The following NRG4 variants were observed in gnomAD, a reference collection of about 807,000 sequenced individuals.
NRG4 encodes neuregulin 4, also known as pro-neuregulin-4, membrane-bound isoform.
NRG4 carries 10 observed loss-of-function variants against 15.0 expected under a neutral mutation model. The ratio of observed to expected loss-of-function variants is 0.67; its 90% CI spans 0.41 to 1.13. NRG4 has a LOEUF of 1.13. Ranked by LOEUF, NRG4 falls within the 50% of genes most tolerant of loss-of-function variation. The pLI, the probability that NRG4 is intolerant of heterozygous loss-of-function variation, is 0.00. For synonymous variants in NRG4, 41 were observed against 50.1 expected, an observed-to-expected ratio of 0.82 and a Z score of 0.77; for missense variants, 139 against 140.2, an observed-to-expected ratio of 0.99 and a Z score of 0.04.
At chr15:76,042,949 T>C (rs531769637) in intron 4 of NRG4, among the ~76,000 whole-genome samples, 1 of 152,198 alleles carries the variant, frequency 6.6e-6, no homozygotes, top group South Asian at 2.1e-4. Flanking sequence ...ACTAAAAATA[T>C]CATTTGTCAT....
At chr15:76,015,371 A>G (rs546095205), upstream of NRG4, among the ~76,000 whole-genome samples, 1 of 152,316 alleles carries the variant, frequency 6.6e-6, no homozygotes, top group African/African-American at 2.4e-5. Flanking sequence ...AGAACCTCCA[A>G]TACTATGTTG....
At chr15:75,974,859 G>A (rs542008396) in intron 3 of NRG4, among the ~76,000 whole-genome samples, 2 of 152,262 alleles carry the variant, frequency 1.3e-5, no homozygotes, top group African/African-American at 2.4e-5. Flanking sequence ...TTCTGTAGAC[G>A]TCTATTAGGT....
intron 3 of NRG4, among the ~76,000 whole-genome samples, chr15:75,964,419 G>A (rs2032689130): frequency 6.6e-6 from 1 of 152,152 alleles, no homozygotes; most frequent in African/African-American, 2.4e-5. Context: ...AATTTTAGCT[G>A]TGAGAGCAAT....
chr15:75,937,508 C>CAAAAAAA (rs58256641), downstream of NRG4: 8 of 83,238 alleles, frequency 9.6e-5, no homozygotes, highest in Admixed American at 2.3e-4. Flanking sequence ...GACTCTGTCT[C>CAAAAAAA]AAAAAAAAAA....
intron 5 of NRG4, among the ~76,000 whole-genome samples, chr15:76,023,198 G>T (rs969004174): frequency 1.8e-4 from 25 of 138,308 alleles, no homozygotes; most frequent in African/African-American, 6.7e-4. Flanking sequence ...AAGGACCAAG[G>T]CAATGAATAA....
At chr15:76,030,962 CAT>C (rs2141941423) in intron 5 of NRG4, among the ~76,000 whole-genome samples, 2 of 152,192 alleles carry the variant, frequency 1.3e-5, no homozygotes, top group South Asian at 4.1e-4. Context: ...TCCTCATGAA[CAT>C]AGACCAAAAA....
intron 5 of NRG4, among the ~76,000 whole-genome samples, chr15:76,029,099 C>G (rs887607496): frequency 2.0e-5 from 3 of 151,984 alleles, no homozygotes; most frequent in African/African-American, 7.3e-5. Flanking sequence ...AGATAATACA[C>G]CTGATCAAGT....
intron 3 of NRG4, among the ~76,000 whole-genome samples, chr15:76,001,692 A>T (rs1011308433): frequency 6.6e-6 from 1 of 152,262 alleles, no homozygotes; most frequent in African/African-American, 2.4e-5. Context: ...TTGCAAAAAG[A>T]AGTACTGGAA....
chr15:76,032,685 A>C (rs964998179), intron 5 of NRG4, among the ~76,000 whole-genome samples: 5 of 152,212 alleles, frequency 3.3e-5, no homozygotes, highest in Non-Finnish European at 7.3e-5. Context: ...GTGATATAAA[A>C]AGCTGGCACA....
At chr15:75,971,522 C>G (rs2033090968) in intron 3 of NRG4, among the ~76,000 whole-genome samples, 1 of 152,128 alleles carries the variant, frequency 6.6e-6, no homozygotes, top group Admixed American at 6.5e-5. Context: ...TAAGCTCTGT[C>G]TCTATGTGTC....
intron 5 of NRG4, among the ~76,000 whole-genome samples, chr15:76,020,201 C>T (rs2035110485): frequency 6.6e-6 from 1 of 152,128 alleles, no homozygotes; most frequent in South Asian, 2.1e-4. Flanking sequence ...CTCCTCTGGC[C>T]TCTCTATTCC....
intron 4 of NRG4, among the ~76,000 whole-genome samples, chr15:76,047,164 A>G (rs1466473068): frequency 6.6e-6 from 1 of 150,870 alleles, no homozygotes; most frequent in Non-Finnish European, 1.5e-5. Flanking sequence ...GCCCTCATAT[A>G]CTGTTGGTGG....
chr15:76,003,026 T>A (rs1011900329), intron 3 of NRG4, among the ~76,000 whole-genome samples: 10 of 152,096 alleles, frequency 6.6e-5, no homozygotes, highest in Non-Finnish European at 1.0e-4. Context: ...CCTTTTCAAA[T>A]GTGCATGAAA....
At chr15:75,937,502 CTG>C (rs2030481578), downstream of NRG4, 1 of 90,304 alleles carries the variant, frequency 1.1e-5, no homozygotes, top group Non-Finnish European at 2.0e-5. Flanking sequence ...GAGCAAGACT[CTG>C]TCTCAAAAAA....
At chr15:76,008,590 A>C (rs2034692841) in intron 3 of NRG4, among the ~76,000 whole-genome samples, 1 of 152,002 alleles carries the variant, frequency 6.6e-6, no homozygotes, top group Admixed American at 6.6e-5. Context: ...ATTCAACCAA[A>C]CTCATAGGAA....
At chr15:75,980,565 C>A (rs375667375) in intron 3 of NRG4, among the ~76,000 whole-genome samples, 1 of 151,988 alleles carries the variant, frequency 6.6e-6, no homozygotes, top group South Asian at 2.1e-4. Flanking sequence ...GAATGTCAGG[C>A]GTAATCTAGG....
chr15:75,995,849 G>A (rs559200212), intron 3 of NRG4, among the ~76,000 whole-genome samples: 33 of 152,302 alleles, frequency 2.2e-4, no homozygotes, highest in African/African-American at 6.5e-4. Flanking sequence ...GGCAAACATC[G>A]GCAGTGCCTA....
chr15:76,041,073 C>A (rs900728603), intron 4 of NRG4, among the ~76,000 whole-genome samples: 2 of 152,124 alleles, frequency 1.3e-5, no homozygotes, highest in African/African-American at 4.8e-5. Context: ...TCTATGCAAT[C>A]AGTGTTAAGT....
intron 3 of NRG4, among the ~76,000 whole-genome samples, chr15:75,995,017 T>C (rs2034158898): frequency 6.6e-6 from 1 of 152,028 alleles, no homozygotes; most frequent in South Asian, 2.1e-4. Flanking sequence ...AGGAAGACTC[T>C]GTCTCTACAA....
Sources: gnomAD v4.1 joint callset for allele counts (sites outside exome capture counted in the v4.1 genomes callset) on GRCh38, gnomAD v4.1.1 for gene constraint, MANE v1.5 for transcripts, NCBI Gene and HGNC (gene_info 2026-07-23, HGNC 2026-07-21) for gene names.